AGAP1: variants seen among roughly 807,000 people sequenced by gnomAD.
AGAP1 encodes ArfGAP with GTPase domain, ankyrin repeat and PH domain 1.
In AGAP1, 29 loss-of-function variants were observed where a neutral mutation model predicts 105.3. The ratio of observed to expected loss-of-function variants is 0.28; its 90% CI spans 0.21 to 0.38. The LOEUF is 0.38. Among genes scored for constraint, AGAP1 ranks in the 10% least tolerant of loss-of-function variants. The probability of loss-of-function intolerance (pLI) is 1.00; values close to 1 mark genes in which losing one functional copy is unlikely to be tolerated. For missense variants in AGAP1, 998 were observed against 1,165.1 expected, an observed-to-expected ratio of 0.86 and a Z score of 2.09; for synonymous variants, 509 against 485.9, an observed-to-expected ratio of 1.05 and a Z score of -0.63.
chr2:235,782,381 T>C (rs1450606871), intron 6 of AGAP1, among the ~76,000 whole-genome samples: 1 of 152,242 alleles, frequency 6.6e-6, no homozygotes. Context: ...TTCTATACTT[T>C]GACAATGTCA....
intron 1 of AGAP1, among the ~76,000 whole-genome samples, chr2:235,530,663 T>C (rs1046779692): frequency 6.6e-6 from 1 of 152,200 alleles, no homozygotes; most frequent in Non-Finnish European, 1.5e-5. Context: ...CGTCCCCTTC[T>C]CCGGCTCCTC....
At position 236,000,829 on chromosome 2, in the gene AGAP1, T is replaced by G. The variant is rs987049707; in HGVS notation, c.1645+32206T>G. 6.6e-6 allele frequency among the ~76,000 whole-genome samples: 1 copy of G among 152,128 alleles called. No individual in the cohort carries two copies. Among genetic ancestry groups the G allele is most frequent in the African/African-American group, 2.4e-5 (1 of 41,424 alleles). On this transcript the variant is annotated intron_variant, in intron 13 of 17. Coordinates refer to ENST00000304032, the MANE Select transcript of AGAP1 (RefSeq NM_001037131.3). This position sits in a 1 kb window ranked among gnomAD's most constrained non-coding sequence, Gnocchi z 4.3. ...AGAAGGAGCCCCACTTGTGCTGTTC[T>G]GTAAGGAGGGTCTTCCAGGCACAGA...
At position 236,056,382 on chromosome 2, in the gene AGAP1, G is replaced by C. The variant is rs774673217; in HGVS notation, c.2114+7101G>C. Among the ~76,000 whole-genome samples, 6 of 152,280 alleles carry C rather than the reference G, an allele frequency of 3.9e-5. No individual in the cohort carries two copies. In the South Asian group the frequency reaches 8.3e-4, roughly 21 times the overall value. ...ATTTACGTTCTGAAATACGGCCGTC[G>C]TGACAATTAAGGAGTTTCTGATGCT... On this transcript the variant is annotated intron_variant, in intron 16 of 17. Transcript: ENST00000304032. The surrounding 1 kb of genome is among the most constrained non-coding windows in gnomAD (Gnocchi z 4.6).
chr2:235,516,223 A>G lies in AGAP1; in HGVS notation c.163+21374A>G, dbSNP rs548366265. 2.0e-5 allele frequency among the ~76,000 whole-genome samples: 3 copies of G among 152,194 alleles called. No homozygotes were observed. The East Asian group carries it at 5.8e-4, about 29-fold the overall frequency. On this transcript the variant is annotated intron_variant, in intron 1 of 17. Coordinates refer to ENST00000304032, the MANE Select transcript of AGAP1 (RefSeq NM_001037131.3). ...TCTTTTACATGCATGCCTGGCGAAT[A>G]GTATATCCCCAGTAAATGCTTGCAG...
In AGAP1 at chr2:236,011,934, C is replaced by G. The variant is rs148907822; in HGVS notation, c.1646-24627C>G. ...TCTCCGTAGCCCCTCAAAGTGATTC[C>G]AGGCAGCAGCATCCGACATAACCCA... On this transcript the variant is annotated intron_variant, in intron 13 of 17. Transcript: ENST00000304032. Among the ~76,000 whole-genome samples, 819 of 152,086 alleles carry G rather than the reference C, an allele frequency of 5.4e-3. 13 individuals carry two copies. The highest frequency in any genetic ancestry group is 0.019 in the African/African-American group (787 of 41,474).
rs1350523046 is a variant in AGAP1 at position 236,087,501 on chromosome 2, T to G, written c.2115-32691T>G. On this transcript the variant is annotated intron_variant, in intron 16 of 17. Transcript: ENST00000304032. This position sits in a 1 kb window ranked among gnomAD's most constrained non-coding sequence, Gnocchi z 5.7. ...CCTGTGCCCGCCCCACAGTCCCGGC[T>G]GAAATGGCAAATGCGGTGTAGGACT... 6.6e-6 allele frequency among the ~76,000 whole-genome samples: 1 copy of G among 152,156 alleles called. No homozygotes were observed. The highest frequency in any genetic ancestry group is 1.9e-4 in the East Asian group (1 of 5,184).
chr2:235,739,461 C>T lies in AGAP1; in HGVS notation c.311-1502C>T, dbSNP rs1221517601. ...CTGACTGGCCTGGATGTGTCCCCTG[C>T]TAACGGGCCTCAGCCTGACCATTTC... On this transcript the variant is annotated intron_variant, in intron 3 of 17. Coordinates refer to ENST00000304032, the MANE Select transcript of AGAP1 (RefSeq NM_001037131.3). The surrounding 1 kb of genome is among the most constrained non-coding windows in gnomAD (Gnocchi z 5.3). 6.6e-6 allele frequency among the ~76,000 whole-genome samples: 1 copy of T among 152,254 alleles called. No homozygotes were observed. The highest frequency in any genetic ancestry group is 1.9e-4 in the East Asian group (1 of 5,196).
intron 1 of AGAP1, among the ~76,000 whole-genome samples, chr2:235,548,224 A>G (rs1390796517): frequency 6.6e-6 from 1 of 152,198 alleles, no homozygotes; most frequent in East Asian, 1.9e-4. Flanking sequence ...GCTGCCCTGC[A>G]CGCCACACTG....
In AGAP1 at chr2:236,012,667, A is replaced by G. The variant is rs2056556044; in HGVS notation, c.1646-23894A>G. On this transcript the variant is annotated intron_variant, in intron 13 of 17. Coordinates refer to ENST00000304032, the MANE Select transcript of AGAP1 (RefSeq NM_001037131.3). The surrounding 1 kb of genome is among the most constrained non-coding windows in gnomAD (Gnocchi z 4.9). ...ATAGATAGTGAAGAAACCTGAAGGT[A>G]TAGACATAAAGAAGTCTTCACTTGT... Among the ~76,000 whole-genome samples the G allele has an allele frequency of 6.6e-6, 1 of 152,232 alleles. No individual in the cohort carries two copies. The highest frequency in any genetic ancestry group is 2.4e-5 in the African/African-American group (1 of 41,462).
Position 235,854,601 on chromosome 2 carries a change from C to T in AGAP1, c.1051-28744C>T, listed in dbSNP as rs1359090988. ...ATTATAGGAAACCAGAGGCTTTAAACCCAGACCAGCTTGGAGCCTGGGGCT... is the reference window on the plus strand; with the variant it reads ...ATTATAGGAAACCAGAGGCTTTAAATCCAGACCAGCTTGGAGCCTGGGGCT... On this transcript the variant is annotated intron_variant, in intron 9 of 17. Transcript: ENST00000304032. Among the ~76,000 whole-genome samples, 3 of 152,210 alleles carry T rather than the reference C, an allele frequency of 2.0e-5. No individual in the cohort carries two copies. In the East Asian group the frequency reaches 5.8e-4, roughly 29 times the overall value.
chr2:235,675,268 C>CA (rs1948673443), intron 1 of AGAP1, among the ~76,000 whole-genome samples: 1 of 150,110 alleles, frequency 6.7e-6, no homozygotes, highest in Admixed American at 6.7e-5. Flanking sequence ...CAGCTCACTG[C>CA]AACCTCTGCC....
rs1948046456 is a variant in AGAP1 at position 235,663,977 on chromosome 2, GA to G, written c.164-45201del. ...CTCCAGGGCTGCTTTGAGGCTGTCT[GA>G]TAGACAGCTGCAGTGTTGTGTGTTA... On this transcript the variant is annotated intron_variant, in intron 1 of 17. Transcript: ENST00000304032. The surrounding 1 kb of genome is among the most constrained non-coding windows in gnomAD (Gnocchi z 5.4). Among the ~76,000 whole-genome samples the G allele has an allele frequency of 6.6e-6, 1 of 152,138 alleles. No individual in the cohort carries two copies. Among genetic ancestry groups the G allele is most frequent in the South Asian group, 2.1e-4 (1 of 4,830 alleles).
intron 6 of AGAP1, among the ~76,000 whole-genome samples, chr2:235,786,723 G>T (rs148738510): frequency 6.6e-6 from 1 of 152,196 alleles, no homozygotes; most frequent in Non-Finnish European, 1.5e-5. Flanking sequence ...ACAAGATCTC[G>T]TCTAGTTTCT....
In AGAP1 at chr2:235,621,691, A is replaced by G; in HGVS notation, c.164-87488A>G. Among the ~76,000 whole-genome samples the G allele has an allele frequency of 6.6e-6, 1 of 152,168 alleles. No homozygotes were observed. ...CATTCCCTGTGCCCATTGTTCATGC[A>G]TTGGAACTTGGAGTGCCTGCTCTCT... is the stretch of plus-strand genomic sequence containing the variant. On this transcript the variant is annotated intron_variant, in intron 1 of 17. Transcript: ENST00000304032. The surrounding 1 kb of genome is among the most constrained non-coding windows in gnomAD (Gnocchi z 4.1).
At chr2:236,112,656 C>T (rs992696825) in intron 16 of AGAP1, among the ~76,000 whole-genome samples, 1 of 151,912 alleles carries the variant, frequency 6.6e-6, no homozygotes, top group Admixed American at 6.6e-5. Context: ...GCAGCGTGGG[C>T]ATCCCGGCCC....
rs1163152186 is a variant in AGAP1 at position 236,050,305 on chromosome 2, C to G, written c.2114+1024C>G. On this transcript the variant is annotated intron_variant, in intron 16 of 17. Coordinates refer to ENST00000304032, the MANE Select transcript of AGAP1 (RefSeq NM_001037131.3). The surrounding 1 kb of genome is among the most constrained non-coding windows in gnomAD (Gnocchi z 4.0). Reference sequence around the variant, plus strand: ...TGAATTTGTGGTGCCACCTTTGGCTCACTGGAGAGAATGAAGCTGGTGTGT... The same window carrying G: ...TGAATTTGTGGTGCCACCTTTGGCTGACTGGAGAGAATGAAGCTGGTGTGT... 2.0e-5 allele frequency among the ~76,000 whole-genome samples: 3 copies of G among 152,204 alleles called. No individual in the cohort carries two copies. The highest frequency in any genetic ancestry group is 4.4e-5 in the Non-Finnish European group (3 of 68,052).
intron 1 of AGAP1, among the ~76,000 whole-genome samples, chr2:235,678,661 G>A (rs1326019215): frequency 2.0e-5 from 3 of 152,114 alleles, no homozygotes; most frequent in African/African-American, 7.2e-5. Context: ...CTCTCAGGGG[G>A]TAGTTTTCTC....
chr2:235,804,587 T>C (rs1400772034), intron 8 of AGAP1, among the ~76,000 whole-genome samples: 2 of 152,240 alleles, frequency 1.3e-5, no homozygotes, highest in East Asian at 1.9e-4. Flanking sequence ...AATGATGCGC[T>C]TGTTCCTGTA....
chr2:236,108,239 A>G (rs1455829127), intron 16 of AGAP1, among the ~76,000 whole-genome samples: 2 of 152,128 alleles, frequency 1.3e-5, no homozygotes, highest in Admixed American at 6.5e-5. Context: ...CCTACCGAGA[A>G]AGGAAGCCCC....
Sources: allele counts gnomAD v4.1 joint callset (sites outside exome capture counted in the v4.1 genomes callset), GRCh38; gene constraint gnomAD v4.1.1; non-coding constraint Gnocchi (gnomAD v3.1); transcripts MANE v1.5; gene names NCBI Gene and HGNC (gene_info 2026-07-23, HGNC 2026-07-21).